Variants in ATP11A observed in about 807,000 individuals in gnomAD.
ATP11A encodes ATPase phospholipid transporting 11A.
A neutral mutation model predicts 154.4 loss-of-function variants in ATP11A; 81 were observed. That is an observed-to-expected ratio of 0.52 (90% confidence interval 0.44 to 0.63). The LOEUF (loss-of-function observed/expected upper bound fraction) is 0.63. Among genes scored for constraint, ATP11A ranks in the 30% least tolerant of loss-of-function variants. The pLI is 0.00. For synonymous variants in ATP11A, 623 were observed against 585.9 expected, an observed-to-expected ratio of 1.06 and a Z score of -0.91; for missense variants, 1,316 against 1,474.3, an observed-to-expected ratio of 0.89 and a Z score of 1.76.
chr13:112,883,873 G>A lies in ATP11A; in HGVS notation c.*2007G>A, dbSNP rs11617625. ...CAATATGGGCATAAATGTAACACCT[G>A]TAGCGGGGGCAGATTCTCTGTATGT... On this transcript the variant is annotated 3_prime_UTR_variant, in exon 30 of 30. Transcript: ENST00000375645. The A allele has an allele frequency of 0.07, 10,691 of 152,704 alleles. 525 individuals are homozygous for A. Among genetic ancestry groups the A allele is most frequent in the Middle Eastern group, 0.14 (40 of 294 alleles). The allele number at this position is 152,704 out of a possible 1,614,324, so 9.5% of individuals were successfully genotyped here.
At chr13:112,790,034 C>T (rs2077800604) in intron 2 of ATP11A, among the ~76,000 whole-genome samples, 1 of 149,488 alleles carries the variant, frequency 6.7e-6, no homozygotes, top group Admixed American at 6.7e-5. Flanking sequence ...ACCTGTAGAC[C>T]CCTGTGGCGA....
In ATP11A at chr13:112,785,250, C is replaced by T. The variant is rs549038564; in HGVS notation, c.155C>T (p.Ser52Leu). The T allele has an allele frequency of 1.3e-6, 2 of 1,519,274 alleles. No homozygotes were observed. The highest frequency in any genetic ancestry group is 1.4e-5 in the African/African-American group (1 of 70,396). The allele number at this position is 1,519,274 out of a possible 1,614,324, so 94.1% of individuals were successfully genotyped here. ...PQRYPDNRIV[S>L]SKYTFWNFIP... The stretch of plus-strand genomic sequence containing the variant: ...AGATACCCAGACAACAGGATCGTCT[C>T]GTCCAAGGTAACTTGGCTTGGGTCT... The change falls in exon 2 of 30, where the codon TCG becomes TTG. Residue 52 changes from serine (S) to leucine (L), a missense_variant. Coordinates refer to ENST00000375645, the MANE Select transcript of ATP11A (RefSeq NM_015205.3). This position sits in a 1 kb window ranked among gnomAD's most constrained non-coding sequence, Gnocchi z 4.8.
At chr13:112,826,222 C>T (rs1446229452) in intron 11 of ATP11A, among the ~76,000 whole-genome samples, 2 of 152,232 alleles carry the variant, frequency 1.3e-5, no homozygotes, top group African/African-American at 4.8e-5. Context: ...GCTATCTCTG[C>T]ATCATCTGTC....
intron 29 of ATP11A, chr13:112,878,553 A>G: frequency 1.8e-6 from 1 of 567,126 alleles, no homozygotes; most frequent in South Asian, 2.1e-5. Flanking sequence ...CTCAGAACCC[A>G]CCTGTGTGAG....
At chr13:112,842,051 C>A (rs570172796) in intron 16 of ATP11A, among the ~76,000 whole-genome samples, 8 of 152,324 alleles carry the variant, frequency 5.3e-5, no homozygotes, top group South Asian at 2.1e-4. Flanking sequence ...TCGTTCCTGC[C>A]TCTCCTGTGG....
At chr13:112,759,745 C>T (rs932798415) in intron 1 of ATP11A, among the ~76,000 whole-genome samples, 1 of 152,000 alleles carries the variant, frequency 6.6e-6, no homozygotes, top group South Asian at 2.1e-4. Flanking sequence ...TTTATTTTTT[C>T]CTATTTTGCC....
At chr13:112,763,692 AT>A (rs1333511715) in intron 1 of ATP11A, among the ~76,000 whole-genome samples, 2 of 152,104 alleles carry the variant, frequency 1.3e-5, no homozygotes, top group African/African-American at 4.8e-5. Flanking sequence ...CGACCTCCTT[AT>A]CTTAACTTCA....
At chr13:112,769,832 GGTCT>G (rs1319757655) in intron 1 of ATP11A, among the ~76,000 whole-genome samples, 1 of 152,244 alleles carries the variant, frequency 6.6e-6, no homozygotes, top group Non-Finnish European at 1.5e-5. Flanking sequence ...GGGGAAGCCA[GGTCT>G]GTCTGATCGC....
chr13:112,870,949 C>T (rs2080500033), intron 25 of ATP11A, among the ~76,000 whole-genome samples: 1 of 152,222 alleles, frequency 6.6e-6, no homozygotes, highest in Admixed American at 6.5e-5. Flanking sequence ...GCTGCGTTGC[C>T]AGCTGGCAGC....
chr13:112,808,630 C>T (rs1185961858), intron 4 of ATP11A, among the ~76,000 whole-genome samples: 1 of 152,160 alleles, frequency 6.6e-6, no homozygotes, highest in East Asian at 1.9e-4. Context: ...GGCCCCTCCT[C>T]GCTTGCCTTG....
Position 112,823,378 on chromosome 13 carries a change from A to C in ATP11A, c.759A>C (p.Gly253=). 1 of 1,613,668 alleles carries C rather than the reference A, an allele frequency of 6.2e-7. No homozygotes were observed. The highest frequency in any genetic ancestry group is 8.5e-7 in the Non-Finnish European group (1 of 1,179,644). ...GATCGGAAAACCTGCTGCTTAGAGGAGCTACACTGAAGAACACTGAGAAAA... is the reference window on the plus strand; with the variant it reads ...GATCGGAAAACCTGCTGCTTAGAGGCGCTACACTGAAGAACACTGAGAAAA... ...PLGSENLLLR[G]ATLKNTEKIF... The change falls in exon 9 of 30, where the codon GGA becomes GGC. Residue 253 remains glycine (G), a synonymous_variant. Transcript: ENST00000375645.
intron 1 of ATP11A, among the ~76,000 whole-genome samples, chr13:112,698,157 A>G (rs60993424): frequency 0.038 from 5,735 of 151,886 alleles, 371 homozygotes; most frequent in African/African-American, 0.13. Flanking sequence ...ACATCCCCAC[A>G]TTTCCCCACT....
At chr13:112,758,120 G>A (rs1184884304) in intron 1 of ATP11A, among the ~76,000 whole-genome samples, 1 of 152,228 alleles carries the variant, frequency 6.6e-6, no homozygotes, top group Non-Finnish European at 1.5e-5. Context: ...GGAGTGCAGT[G>A]GCACGATCTC....
intron 2 of ATP11A, among the ~76,000 whole-genome samples, chr13:112,799,603 A>C (rs1212129539): frequency 6.6e-6 from 1 of 152,220 alleles, no homozygotes; most frequent in Non-Finnish European, 1.5e-5. Context: ...CAAATCACAA[A>C]GGTGGAATGT....
intron 9 of ATP11A, 45 bp downstream of exon 9, chr13:112,823,454 A>G: frequency 1.3e-6 from 2 of 1,495,232 alleles, no homozygotes; most frequent in Non-Finnish European, 1.9e-6. Flanking sequence ...AACATTAAGG[A>G]TGCATGAAGC....
chr13:112,876,141 T>G, intron 28 of ATP11A, 200 bp downstream of exon 28: 1 of 493,082 alleles, frequency 2.0e-6, no homozygotes, highest in Non-Finnish European at 3.3e-6. Context: ...ATTTTATGTT[T>G]CAACCTAAAC....
At position 112,697,377 on chromosome 13, in the gene ATP11A, A is replaced by T. The variant is rs1412992913; in HGVS notation, c.39+6922A>T. On this transcript the variant is annotated intron_variant, in intron 1 of 29. Coordinates refer to ENST00000375645, the MANE Select transcript of ATP11A (RefSeq NM_015205.3). The surrounding 1 kb of genome is among the most constrained non-coding windows in gnomAD (Gnocchi z 4.0). Reference sequence around the variant, plus strand: ...AGAACGTTCCTGGCACAGAAAAGCCACGCAGAAAACAGCTGCTGGGCCAAC... The same window carrying T: ...AGAACGTTCCTGGCACAGAAAAGCCTCGCAGAAAACAGCTGCTGGGCCAAC... Among the ~76,000 whole-genome samples the T allele has an allele frequency of 1.3e-5, 2 of 152,038 alleles. No homozygotes were observed. Among genetic ancestry groups the T allele is most frequent in the Non-Finnish European group, 2.9e-5 (2 of 68,012 alleles).
At chr13:112,730,262 C>T (rs1182154353) in intron 1 of ATP11A, among the ~76,000 whole-genome samples, 6 of 152,312 alleles carry the variant, frequency 3.9e-5, no homozygotes, top group African/African-American at 9.6e-5. Flanking sequence ...GCTTCTGTAC[C>T]GGAGGCGATG....
rs1483077000 is a variant in ATP11A, at chr13:112,862,422, C to T, written c.2856-18C>T. The T allele has an allele frequency of 4.3e-6, 7 of 1,612,830 alleles. No homozygotes were observed. The highest frequency in any genetic ancestry group is 1.3e-5 in the African/African-American group (1 of 75,024). On this transcript the variant is annotated intron_variant, in intron 24 of 29. Coordinates refer to ENST00000375645, the MANE Select transcript of ATP11A (RefSeq NM_015205.3). Reference sequence around the variant, plus strand: ...CTGATTCTCGAGGACACACGCTGTGCACCTTTCTCCTCACCAGGGACGTCG... The same window carrying T: ...CTGATTCTCGAGGACACACGCTGTGTACCTTTCTCCTCACCAGGGACGTCG...
Sources: gnomAD v4.1 joint callset for allele counts (sites outside exome capture counted in the v4.1 genomes callset) on GRCh38, gnomAD v4.1.1 for gene constraint, Gnocchi (gnomAD v3.1) non-coding constraint, MANE v1.5 for transcripts, NCBI Gene and HGNC (gene_info 2026-07-23, HGNC 2026-07-21) for gene names.